Variants in OR4Q3 observed in about 807,000 individuals in gnomAD.
OR4Q3 encodes olfactory receptor family 4 subfamily Q member 3.
OR4Q3 carries 17 observed loss-of-function variants against 18.8 expected under a neutral mutation model. The ratio of observed to expected loss-of-function variants is 0.91; its 90% CI spans 0.62 to 1.36. The LOEUF (loss-of-function observed/expected upper bound fraction) is 1.36. Among genes scored for constraint, OR4Q3 ranks in the 40% most tolerant of loss-of-function variants. The probability of loss-of-function intolerance (pLI) is 0.00; values close to 1 mark genes in which losing one functional copy is unlikely to be tolerated. For synonymous variants in OR4Q3, 158 were observed against 145.8 expected (o/e 1.08, Z -0.60); for missense variants, 378 against 373.4 (o/e 1.01, Z -0.10).
chr14:19,747,450 A>C lies in OR4Q3; in HGVS notation c.47A>C (p.Asn16Thr). The change falls in exon 2 of 2, where the codon AAT becomes ACT. Residue 16 changes from asparagine (N) to threonine (T), a missense_variant. Coordinates refer to ENST00000642117, the Ensembl canonical transcript of OR4Q3. Reference sequence around the variant, plus strand: ...TTGATGAAAAAAGAACAAGATTCTAATGTGACAGAATTTGTTCTTCTGGGC... The same window carrying C: ...TTGATGAAAAAAGAACAAGATTCTACTGTGACAGAATTTGTTCTTCTGGGC... The C allele has an allele frequency of 1.1e-5, 17 of 1,606,874 alleles. No individual in the cohort carries two copies. Among genetic ancestry groups the C allele is most frequent in the South Asian group, 3.3e-5 (3 of 90,082 alleles).
intron 1 of OR4Q3, among the ~76,000 whole-genome samples, chr14:19,746,686 A>G: frequency 1.7e-4 from 26 of 152,342 alleles, no homozygotes. Context: ...GACCTGGGAT[A>G]GTAAAGACAA....
chr14:19,747,909 T>A, exon 2 of OR4Q3: 18 of 1,614,002 alleles, frequency 1.1e-5, no homozygotes, highest in Non-Finnish European at 1.5e-5. Context: ...ATCATGCAGG[T>A]CATACTAGTC....
chr14:19,749,866 CTTTCTTTCTTTCTTTCTTT>C, downstream of OR4Q3, among the ~76,000 whole-genome samples: 18 of 49,096 alleles, frequency 3.7e-4, no homozygotes, highest in East Asian at 1.1e-3. Context: ...TTCTTTCTTT[CTTTCTTTCTTTCTTTCTTT>C]CTTTCTTTCT....
At chr14:19,745,122 T>C in intron 1 of OR4Q3, among the ~76,000 whole-genome samples, 1 of 152,204 alleles carries the variant, frequency 6.6e-6, no homozygotes, top group East Asian at 1.9e-4. Context: ...GCTGCCTATT[T>C]TTATCTTATG....
At chr14:19,743,906 G>C (rs1292524675) in intron 1 of OR4Q3, among the ~76,000 whole-genome samples, 1 of 152,148 alleles carries the variant, frequency 6.6e-6, no homozygotes, top group East Asian at 1.9e-4. Context: ...TGGCATCTTA[G>C]AAGACAGTTG....
At chr14:19,744,521 C>CAA (rs1877386771) in intron 1 of OR4Q3, among the ~76,000 whole-genome samples, 1 of 152,202 alleles carries the variant, frequency 6.6e-6, no homozygotes, top group Middle Eastern at 3.2e-3. Flanking sequence ...TAGCTGTACA[C>CAA]AAGTAGCCTT....
exon 2 of OR4Q3, chr14:19,748,328 A>G: frequency 6.2e-7 from 1 of 1,612,794 alleles, no homozygotes; most frequent in Non-Finnish European, 8.5e-7. Flanking sequence ...AGCTATGAAG[A>G]AGCTGAGGAT....
chr14:19,747,804 C>T, exon 2 of OR4Q3: 2 of 1,614,032 alleles, frequency 1.2e-6, no homozygotes, highest in South Asian at 1.1e-5. Context: ...AGGTATGTTG[C>T]CATCTGTAAC....
Position 19,747,993 on chromosome 14 carries a change from C to T in OR4Q3, c.590C>T (p.Ala197Val). Residue 197 changes from alanine to valine, a missense_variant, in exon 2 of 2, where the codon GCC becomes GTC. Coordinates refer to ENST00000642117, the Ensembl canonical transcript of OR4Q3. ...GATGTCCCACAAGTCATCAAGCTGG[C>T]CTGCATGGACACCTATGTGGTAGAG... The T allele has an allele frequency of 4.2e-5, 68 of 1,614,036 alleles. 1 individual carries two copies. The South Asian group carries it at 6.4e-4, about 15-fold the overall frequency.
exon 2 of OR4Q3, chr14:19,747,796 G>T: frequency 6.2e-7 from 1 of 1,614,030 alleles, no homozygotes; most frequent in Non-Finnish European, 8.5e-7. Context: ...CCTATGACAG[G>T]TATGTTGCCA....
intron 1 of OR4Q3, among the ~76,000 whole-genome samples, chr14:19,745,208 T>G: frequency 5.3e-5 from 8 of 152,186 alleles, no homozygotes; most frequent in Non-Finnish European, 1.2e-4. Flanking sequence ...CCAGAATATT[T>G]ATAGTACTGA....
intron 1 of OR4Q3, among the ~76,000 whole-genome samples, chr14:19,746,650 A>T: frequency 6.6e-6 from 1 of 152,164 alleles, no homozygotes; most frequent in African/African-American, 2.4e-5. Context: ...TTCTTACCTC[A>T]TTTTTACAAA....
At chr14:19,748,416 G>A in exon 2 of OR4Q3, 1 of 1,408,228 alleles carries the variant, frequency 7.1e-7, no homozygotes, top group Non-Finnish European at 9.8e-7. Context: ...TTTCTTGGAA[G>A]ACTCTTAACT....
downstream of OR4Q3, among the ~76,000 whole-genome samples, chr14:19,751,110 G>A: frequency 2.6e-5 from 4 of 152,194 alleles, no homozygotes; most frequent in African/African-American, 7.2e-5. Flanking sequence ...TATAGTCTTG[G>A]CAAATCATTT....
downstream of OR4Q3, among the ~76,000 whole-genome samples, chr14:19,752,317 A>G: frequency 2.5e-4 from 38 of 152,342 alleles, no homozygotes; most frequent in African/African-American, 7.7e-4. Flanking sequence ...CTTAAATAAT[A>G]CAACAGACAA....
downstream of OR4Q3, among the ~76,000 whole-genome samples, chr14:19,751,532 A>C: frequency 6.7e-6 from 1 of 149,352 alleles, no homozygotes; most frequent in Non-Finnish European, 1.5e-5. Context: ...TGGTTAGTAG[A>C]GTTTTTTTTT....
intron 1 of OR4Q3, 136 bp from the exon 2 acceptor site, chr14:19,747,270 G>T: frequency 2.4e-6 from 1 of 424,158 alleles, no homozygotes; most frequent in East Asian, 3.5e-5. Flanking sequence ...CAATATAAGA[G>T]TGTACTGCCT....
At chr14:19,747,326 A>G in intron 1 of OR4Q3, 80 bp from the exon 2 acceptor site, 2 of 590,566 alleles carry the variant, frequency 3.4e-6, no homozygotes, top group Non-Finnish European at 2.6e-6. Context: ...TGTAATTTAT[A>G]TATTATATAC....
chr14:19,748,091 A>G, exon 2 of OR4Q3: 1 of 1,614,040 alleles, frequency 6.2e-7, no homozygotes, highest in Non-Finnish European at 8.5e-7. Flanking sequence ...TTATGCTATC[A>G]TCCTGATCAC....
Sources: gnomAD v4.1 joint callset for allele counts (sites outside exome capture counted in the v4.1 genomes callset) on GRCh38, gnomAD v4.1.1 for gene constraint, MANE v1.5 for transcripts, NCBI Gene and HGNC (gene_info 2026-07-23, HGNC 2026-07-21) for gene names.